PTK2: variants seen among roughly 807,000 people sequenced by gnomAD.
PTK2 encodes protein tyrosine kinase 2.
A neutral mutation model predicts 150.1 loss-of-function variants in PTK2; 45 were observed. That is an observed-to-expected ratio of 0.30 (90% confidence interval 0.24 to 0.38). The LOEUF is 0.38. PTK2 is among the 10% of genes least tolerant of loss of function. PTK2 has a pLI of 1.00. For synonymous variants in PTK2, 432 were observed against 449.2 expected (o/e 0.96, Z 0.48); for missense variants, 919 against 1,307.3 (o/e 0.70, Z 4.58).
rs140624409 is a variant in PTK2, at chr8:140,737,349, C to T, written c.1825+1669G>A. Among the ~76,000 whole-genome samples, 22 of 152,260 alleles carry T rather than the reference C, an allele frequency of 1.4e-4. No homozygotes were observed. The East Asian group carries it at 4.2e-3, about 29-fold the overall frequency. ...AACTCCTGGATTGAAGTGATCCTCC[C>T]TCCTTGGCCTCCCAAAGTACTAGCA... On this transcript the variant is annotated intron_variant, in intron 21 of 31. Coordinates refer to ENST00000522684, the Ensembl canonical transcript of PTK2.
intron 5 of PTK2, among the ~76,000 whole-genome samples, chr8:140,857,942 C>A (rs1482589542): frequency 6.6e-6 from 1 of 152,144 alleles, no homozygotes; most frequent in African/African-American, 2.4e-5. Context: ...CCACCAACAA[C>A]AAACGTGAAG....
At chr8:140,990,691 ATTATT>A (rs2100195398) in intron 1 of PTK2, among the ~76,000 whole-genome samples, 2 of 152,178 alleles carry the variant, frequency 1.3e-5, no homozygotes, top group South Asian at 4.1e-4. Flanking sequence ...TTTAGATTAC[ATTATT>A]TTAATTTTGT....
intron 24 of PTK2, among the ~76,000 whole-genome samples, chr8:140,705,297 T>C (rs1025999448): frequency 4.6e-5 from 7 of 152,120 alleles, no homozygotes; most frequent in African/African-American, 1.4e-4. Flanking sequence ...GTGAAGGAAG[T>C]AGGAAAGGTT....
intron 18 of PTK2, among the ~76,000 whole-genome samples, chr8:140,745,202 A>G (rs948991170): frequency 6.6e-6 from 1 of 152,316 alleles, no homozygotes; most frequent in East Asian, 1.9e-4. Context: ...TGTAATGCGG[A>G]GAAAGCAGGG....
intron 1 of PTK2, among the ~76,000 whole-genome samples, chr8:140,944,741 C>T (rs1354672557): frequency 1.3e-5 from 2 of 152,186 alleles, no homozygotes; most frequent in South Asian, 4.1e-4. Context: ...GTACAGCGCA[C>T]CCACTGAACA....
intron 27 of PTK2, among the ~76,000 whole-genome samples, chr8:140,676,613 C>CGGGGGTGGGGGG (rs1554666783): frequency 2.3e-5 from 2 of 88,082 alleles, no homozygotes; most frequent in African/African-American, 4.1e-5. Context: ...TCGGTGGGGG[C>CGGGGGTGGGGGG]GGGGGGAACA....
chr8:140,920,791 A>G, intron 2 of PTK2: 1 of 1,460,288 alleles, frequency 6.8e-7, no homozygotes, highest in Non-Finnish European at 9.0e-7. Flanking sequence ...ATAAAACGGA[A>G]CATATTTTTA....
At chr8:141,000,015 GA>G (rs36146347) in intron 1 of PTK2, among the ~76,000 whole-genome samples, 56,931 of 124,758 alleles carry the variant, frequency 0.46, 13,337 homozygotes, top group Non-Finnish European at 0.56. Flanking sequence ...AAATGACTCG[GA>G]AAAAAAAAAA....
rs191815748 is a variant in PTK2 at position 140,683,317 on chromosome 8, C to T, written c.2562+3315G>A. 3.3e-5 allele frequency among the ~76,000 whole-genome samples: 5 copies of T among 152,260 alleles called. No individual in the cohort carries two copies. The East Asian group carries it at 9.6e-4, about 29-fold the overall frequency. ...ACTGAGCCAGGAAGAAAGCGAATCC[C>T]TGAACAGACCAATAATGAGCTCTGA... On this transcript the variant is annotated intron_variant, in intron 27 of 31. Coordinates refer to ENST00000522684, the Ensembl canonical transcript of PTK2.
chr8:140,991,367 GC>G (rs1250127883), intron 1 of PTK2, among the ~76,000 whole-genome samples: 1 of 152,128 alleles, frequency 6.6e-6, no homozygotes, highest in African/African-American at 2.4e-5. Flanking sequence ...TTTGCCAAAA[GC>G]CACAAGTCCA....
At chr8:140,848,834 T>C (rs954923835) in intron 5 of PTK2, among the ~76,000 whole-genome samples, 4 of 152,190 alleles carry the variant, frequency 2.6e-5, no homozygotes, top group African/African-American at 7.2e-5. Context: ...AAACATTCAG[T>C]GGCTTTTAGT....
At position 140,982,081 on chromosome 8, in the gene PTK2, A is replaced by AAAC. The variant is rs144602670; in HGVS notation, c.-122+19043_-122+19044insGTT. ...CAACTCAATAAAAAAAAAAAAAAAA[A>AAAC]AATGACTCAGTTAAAAACAGACATG... On this transcript the variant is annotated intron_variant, in intron 1 of 31. Coordinates refer to ENST00000522684, the Ensembl canonical transcript of PTK2. 2.3e-3 allele frequency among the ~76,000 whole-genome samples: 330 copies of AAAC among 146,630 alleles called. 9 individuals carry two copies. The highest frequency in any genetic ancestry group is 0.012 in the East Asian group (63 of 5,054).
chr8:140,942,814 G>T (rs1449129145), intron 1 of PTK2, among the ~76,000 whole-genome samples: 1 of 152,212 alleles, frequency 6.6e-6, no homozygotes, highest in Non-Finnish European at 1.5e-5. Flanking sequence ...ATGTTGAAAT[G>T]TAGTCCCCAG....
At chr8:140,791,004 T>C (rs893822252) in intron 13 of PTK2, among the ~76,000 whole-genome samples, 1 of 152,256 alleles carries the variant, frequency 6.6e-6, no homozygotes, top group African/African-American at 2.4e-5. Context: ...ATTTCAGCTC[T>C]TATCTGATCA....
chr8:140,984,642 T>C (rs2100192660), intron 1 of PTK2, among the ~76,000 whole-genome samples: 1 of 152,114 alleles, frequency 6.6e-6, no homozygotes. Flanking sequence ...CTCTTCTGCT[T>C]GCTGTGATCC....
intron 22 of PTK2, among the ~76,000 whole-genome samples, chr8:140,720,255 T>TA (rs372532904): frequency 2.0e-5 from 3 of 152,270 alleles, no homozygotes; most frequent in African/African-American, 7.2e-5. Flanking sequence ...ATTTATGACT[T>TA]AAAAAAACAC....
intron 2 of PTK2, among the ~76,000 whole-genome samples, chr8:140,893,721 TA>T (rs1249703638): frequency 2.0e-5 from 3 of 152,200 alleles, no homozygotes; most frequent in African/African-American, 7.2e-5. Context: ...GATGGTTGAA[TA>T]TACTAAAAAA....
At chr8:140,673,599 C>T (rs758014590) in intron 29 of PTK2, among the ~76,000 whole-genome samples, 4 of 152,192 alleles carry the variant, frequency 2.6e-5, no homozygotes, top group South Asian at 2.1e-4. Flanking sequence ...TTACAGGACA[C>T]AGGCTAGAAA....
intron 1 of PTK2, among the ~76,000 whole-genome samples, chr8:140,945,845 T>C (rs1290207900): frequency 6.6e-6 from 1 of 152,202 alleles, no homozygotes; most frequent in Non-Finnish European, 1.5e-5. Context: ...CCATTTTCAC[T>C]ACCTAGAATG....
Sources: allele counts gnomAD v4.1 joint callset (sites outside exome capture counted in the v4.1 genomes callset), GRCh38; gene constraint gnomAD v4.1.1; transcripts MANE v1.5; gene names NCBI Gene and HGNC (gene_info 2026-07-23, HGNC 2026-07-21).